The following DNAH10 variants were observed in gnomAD, a reference collection of about 807,000 sequenced individuals.
DNAH10 encodes axonemal beta dynein heavy chain 10.
Under a neutral mutation model 506.6 loss-of-function variants are expected in DNAH10, and 348 were observed. That is an observed-to-expected ratio of 0.69 (90% CI 0.63 to 0.75). The LOEUF (loss-of-function observed/expected upper bound fraction) is 0.75, where lower values mean the gene tolerates loss of function less well. DNAH10 is among the 30% of genes least tolerant of loss of function. The pLI is 0.00. For missense variants in DNAH10, 5,179 were observed against 5,787.1 expected, an observed-to-expected ratio of 0.89 and a Z score of 3.41; for synonymous variants, 2,059 against 2,198.6, an observed-to-expected ratio of 0.94 and a Z score of 1.78.
chr12:123,930,014 G>C, intron 72 of DNAH10: 2 of 589,778 alleles, frequency 3.4e-6, no homozygotes, highest in Non-Finnish European at 6.0e-6. Flanking sequence ...TGCCTCAGCT[G>C]TTGCTGTATA....
chr12:123,814,839 G>A (rs372473723), intron 21 of DNAH10, among the ~76,000 whole-genome samples: 8 of 152,086 alleles, frequency 5.3e-5, no homozygotes, highest in Middle Eastern at 6.8e-3. Context: ...GGATGGTCTC[G>A]ATCTCCTGAC....
intron 65 of DNAH10, among the ~76,000 whole-genome samples, chr12:123,921,488 G>A (rs1167091942): frequency 6.6e-6 from 1 of 152,060 alleles, no homozygotes; most frequent in Non-Finnish European, 1.5e-5. Context: ...GGGATCTGAC[G>A]GCTTGTCAAA....
intron 5 of DNAH10, among the ~76,000 whole-genome samples, chr12:123,778,963 G>A (rs1033009350): frequency 6.6e-6 from 1 of 150,682 alleles, no homozygotes; most frequent in African/African-American, 2.4e-5. Context: ...GTAGTAGTGC[G>A]ATCTCAGCTC....
At position 123,887,139 on chromosome 12, in the gene DNAH10, CA is replaced by C. The variant is rs753364718; in HGVS notation, c.8824-2del. ...GCCCATGTGCTCTGTGTCTGCATCG[CA>C]GGTGTTTGAGATCCTGCTGAGCCGA... On this transcript the variant is annotated splice_acceptor_variant, in intron 51 of 78. Transcript: ENST00000673944. LOFTEE classifies it high-confidence loss of function. 1.2e-6 allele frequency: 2 copies of C among 1,602,430 alleles called. No homozygotes were observed. The highest frequency in any genetic ancestry group is 2.3e-5 in the South Asian group (2 of 88,658).
chr12:123,848,234 A>T, intron 33 of DNAH10, 139 bp downstream of exon 33: 1 of 1,291,160 alleles, frequency 7.7e-7, no homozygotes, highest in Non-Finnish European at 1.1e-6. Context: ...ACAGCCCCAG[A>T]ACCTAAGTGT....
chr12:123,848,837 C>G lies in DNAH10; in HGVS notation c.6057C>G (p.Ile2019Met), dbSNP rs1282244939. The change falls in exon 34 of 79, where the codon ATC (isoleucine) becomes ATG (methionine). Residue 2019 changes from isoleucine (I) to methionine (M), a missense_variant. Coordinates refer to ENST00000673944, the MANE Select transcript of DNAH10 (RefSeq NM_001372106.1). ...ASVLSVISSQ[I>M]QTIRNALIHQ... is the part of the protein sequence containing the mutation. ...TGCTCTCCGTGATCTCCTCCCAGAT[C>G]CAGACGATCCGAAATGCTCTGATCC... is the stretch of plus-strand genomic sequence containing the variant. 3.1e-6 allele frequency: 5 copies of G among 1,613,744 alleles called. No individual in the cohort carries two copies. In the East Asian group the frequency reaches 1.1e-4, roughly 36 times the overall value.
intron 51 of DNAH10, among the ~76,000 whole-genome samples, chr12:123,885,280 G>T (rs1397823538): frequency 1.3e-5 from 2 of 152,186 alleles, no homozygotes; most frequent in Non-Finnish European, 1.5e-5. Context: ...TCCCCACTGT[G>T]TCACTGCGTC....
At position 123,934,701 on chromosome 12, in the gene DNAH10, G is replaced by A. The variant is rs1249703199; in HGVS notation, c.13558G>A (p.Val4520Met). 6.2e-7 allele frequency: 1 copy of A among 1,613,832 alleles called. No homozygotes were observed. Among genetic ancestry groups the A allele is most frequent in the South Asian group, 1.1e-5 (1 of 91,028 alleles). ...ATGTCTTATCAAGAGCAAACCCAAG[G>A]TGCTGGTTGTGGACCTGCCGATCCT... ...KGCLIKSKPK[V>M]LVVDLPILKI... is the part of the protein sequence containing the mutation. The change falls in exon 78 of 79, where the codon GTG becomes ATG. Residue 4520 changes from valine to methionine, a missense_variant. Coordinates refer to ENST00000673944, the MANE Select transcript of DNAH10 (RefSeq NM_001372106.1).
chr12:123,833,091 A>G (rs1268979117), intron 26 of DNAH10, 23 bp from the exon 27 acceptor site: 2 of 1,568,832 alleles, frequency 1.3e-6, no homozygotes, highest in Admixed American at 1.8e-5. Flanking sequence ...TGCCTGAATC[A>G]TTCTTTTTCT....
At chr12:123,777,406 G>C (rs992109196) in intron 5 of DNAH10, among the ~76,000 whole-genome samples, 1 of 152,244 alleles carries the variant, frequency 6.6e-6, no homozygotes, top group Admixed American at 6.5e-5. Flanking sequence ...AGGCAAAGAA[G>C]AGCTGGAGGG....
chr12:123,841,411 C>T lies in DNAH10; in HGVS notation c.5226C>T (p.Val1742=). 1.2e-6 allele frequency: 2 copies of T among 1,613,966 alleles called. No individual in the cohort carries two copies. Among genetic ancestry groups the T allele is most frequent in the South Asian group, 2.2e-5 (2 of 91,078 alleles). ...VSAMISAEGE[V]MEFRKILRAE... is the part of the protein sequence containing the mutation. Reference sequence around the variant, plus strand: ...CGATGATTTCAGCAGAAGGAGAAGTCATGGAGTTTCGGAAGATCTTGCGGG... The same window carrying T: ...CGATGATTTCAGCAGAAGGAGAAGTTATGGAGTTTCGGAAGATCTTGCGGG... Residue 1742 remains valine (V), a synonymous_variant, in exon 30 of 79, where the codon GTC becomes GTT. Coordinates refer to ENST00000673944, the MANE Select transcript of DNAH10 (RefSeq NM_001372106.1).
intron 24 of DNAH10, among the ~76,000 whole-genome samples, chr12:123,824,945 G>T (rs900714871): frequency 2.0e-5 from 3 of 152,120 alleles, no homozygotes; most frequent in African/African-American, 7.2e-5. Flanking sequence ...ATTCAGCCCG[G>T]TACACTTGGG....
intron 62 of DNAH10, among the ~76,000 whole-genome samples, chr12:123,915,400 A>G (rs191668309): frequency 3.3e-5 from 5 of 152,304 alleles, no homozygotes; most frequent in Admixed American, 3.3e-4. Context: ...CACTGAAAAC[A>G]TACAATTCAG....
chr12:123,782,791 G>T (rs1271067028), intron 6 of DNAH10, among the ~76,000 whole-genome samples: 2 of 152,024 alleles, frequency 1.3e-5, no homozygotes, highest in Non-Finnish European at 2.9e-5. Flanking sequence ...ACTGTTTCAG[G>T]CTGGTGGTTA....
In DNAH10 at chr12:123,853,413, C is replaced by G; in HGVS notation, c.6438+61C>G. On this transcript the variant is annotated intron_variant, in intron 36 of 78. Coordinates refer to ENST00000673944, the MANE Select transcript of DNAH10 (RefSeq NM_001372106.1). This position sits in a 1 kb window ranked among gnomAD's most constrained non-coding sequence, Gnocchi z 4.7. Reference sequence around the variant, plus strand: ...GCTGCTTCAGGCATTTACTACGTGCCATTGGGGAGGTGATGGGCACAGTAT... The same window carrying G: ...GCTGCTTCAGGCATTTACTACGTGCGATTGGGGAGGTGATGGGCACAGTAT... The G allele has an allele frequency of 1.3e-6, 2 of 1,558,886 alleles. No homozygotes were observed. The highest frequency in any genetic ancestry group is 2.4e-5 in the South Asian group (2 of 83,124).
At chr12:123,930,323 G>T (rs1384631296) in intron 72 of DNAH10, 79 bp from the exon 73 acceptor site, 2 of 1,370,330 alleles carry the variant, frequency 1.5e-6, no homozygotes, top group Non-Finnish European at 1.9e-6. Flanking sequence ...GACCCTGGGT[G>T]AGCCTCTGGC....
intron 52 of DNAH10, among the ~76,000 whole-genome samples, chr12:123,888,533 C>G (rs1033898044): frequency 6.6e-6 from 1 of 152,174 alleles, no homozygotes; most frequent in African/African-American, 2.4e-5. Context: ...AAGATTCCCA[C>G]AAGTCACGGG....
At chr12:123,834,794 G>C (rs1202175149) in intron 27 of DNAH10, among the ~76,000 whole-genome samples, 1 of 152,166 alleles carries the variant, frequency 6.6e-6, no homozygotes, top group African/African-American at 2.4e-5. Context: ...TTTACGTCTG[G>C]CTTTTGTCAC....
At chr12:123,864,369 A>T (rs899599448) in intron 39 of DNAH10, among the ~76,000 whole-genome samples, 2 of 151,004 alleles carry the variant, frequency 1.3e-5, no homozygotes, top group Non-Finnish European at 3.0e-5. Context: ...CTGGTCTCGA[A>T]CTCCTGACCT....
Sources: allele counts gnomAD v4.1 joint callset (sites outside exome capture counted in the v4.1 genomes callset), GRCh38; gene constraint gnomAD v4.1.1; non-coding constraint Gnocchi (gnomAD v3.1); transcripts MANE v1.5; gene names NCBI Gene and HGNC (gene_info 2026-07-23, HGNC 2026-07-21).